ZNF775: variants seen among roughly 807,000 people sequenced by gnomAD.
The protein encoded by ZNF775 is zinc finger protein 775.
ZNF775 carries 1 observed loss-of-function variant against 2.4 expected under a neutral mutation model. The ratio of observed to expected loss-of-function variants is 0.41; its 90% CI spans 0.15 to 1.94. The LOEUF (loss-of-function observed/expected upper bound fraction) is 1.94. Ranked by LOEUF, ZNF775 falls within the 30% of genes most tolerant of loss-of-function variation. The pLI, the probability that ZNF775 is intolerant of heterozygous loss-of-function variation, is 0.30. For synonymous variants in ZNF775, 381 were observed against 373.3 expected (o/e 1.02, Z -0.24); for missense variants, 823 against 826.6 (o/e 1.00, Z 0.05).
rs1384677128 is a variant in ZNF775, at chr7:150,379,351, T to A, written c.-91T>A. 6.6e-6 allele frequency: 1 copy of A among 152,126 alleles called. No homozygotes were observed. The highest frequency in any genetic ancestry group is 1.5e-5 in the Non-Finnish European group (1 of 68,016). The allele number at this position is 152,126 out of a possible 1,614,324, so 9.4% of individuals were successfully genotyped here. A position where few individuals can be genotyped will look rare whatever the true frequency, so the allele number is the denominator to read the frequency against. On this transcript the variant is annotated 5_prime_UTR_variant, in exon 1 of 3. Coordinates refer to ENST00000329630, the MANE Select transcript of ZNF775 (RefSeq NM_173680.4). ...CGGGAGCCCGGTGCCCAAGTCGCCC[T>A]CGGGGTGGCAGTTCCCGTTAACCTT...
chr7:150,384,056 G>A lies in ZNF775; in HGVS notation c.-49-4366G>A, dbSNP rs1800409930. ...GCTCAATCCCCTCTTTGTGTGGTTG[G>A]TCTTCAGTTGTCATGGCAGCTGGGC... On this transcript the variant is annotated intron_variant, in intron 1 of 2. Coordinates refer to ENST00000329630, the MANE Select transcript of ZNF775 (RefSeq NM_173680.4). The surrounding 1 kb of genome is among the most constrained non-coding windows in gnomAD (Gnocchi z 4.1). Among the ~76,000 whole-genome samples, 1 of 152,230 alleles carries A rather than the reference G, an allele frequency of 6.6e-6. No homozygotes were observed. The highest frequency in any genetic ancestry group is 6.5e-5 in the Admixed American group (1 of 15,294).
intron 2 of ZNF775, among the ~76,000 whole-genome samples, chr7:150,390,821 C>A (rs1283484312): frequency 6.6e-6 from 1 of 152,184 alleles, no homozygotes; most frequent in Non-Finnish European, 1.5e-5. Context: ...GAATTGCTGG[C>A]TGGAAAGGGC....
Position 150,396,670 on chromosome 7 carries a change from G to T in ZNF775, c.189G>T (p.Leu63=), listed in dbSNP as rs373462254. The T allele has an allele frequency of 1.1e-5, 17 of 1,609,514 alleles. No homozygotes were observed. In the Admixed American group the frequency reaches 2.0e-4, roughly 19 times the overall value. ...AGACCATGGGGCGGCCTCGAGCCCTGGGGGGACAGGAGGAGTCTGGGAGTC... is the reference window on the plus strand; with the variant it reads ...AGACCATGGGGCGGCCTCGAGCCCTTGGGGGACAGGAGGAGTCTGGGAGTC... ...PRQTMGRPRA[L]GGQEESGSPR... The change falls in exon 3 of 3, where the codon CTG becomes CTT. Residue 63 remains leucine (L), a synonymous_variant. Coordinates refer to ENST00000329630, the MANE Select transcript of ZNF775 (RefSeq NM_173680.4).
Position 150,391,463 on chromosome 7 carries a change from G to A in ZNF775, c.31+2962G>A, listed in dbSNP as rs372577489. Among the ~76,000 whole-genome samples the A allele has an allele frequency of 6.6e-4, 100 of 152,242 alleles. 3 individuals are homozygous for A. The highest frequency in any genetic ancestry group is 5.8e-3 in the East Asian group (30 of 5,184). On this transcript the variant is annotated intron_variant, in intron 2 of 2. Transcript: ENST00000329630. ...GTAGAGGCTGCAGTAAGCCAAGATC[G>A]CGCCATTGCATTCCAGCCTGGGTGA...
chr7:150,398,235 A>G lies in ZNF775; in HGVS notation c.*140A>G. On this transcript the variant is annotated 3_prime_UTR_variant, in exon 3 of 3. Coordinates refer to ENST00000329630, the MANE Select transcript of ZNF775 (RefSeq NM_173680.4). ...GATTCCTTAAGGCTCTGAAGGGCTGAGAACAGTTCTAGAAGCGTCCCAAAG... is the reference window on the plus strand; with the variant it reads ...GATTCCTTAAGGCTCTGAAGGGCTGGGAACAGTTCTAGAAGCGTCCCAAAG... 7.4e-7 allele frequency: 1 copy of G among 1,348,638 alleles called. No homozygotes were observed. Among genetic ancestry groups the G allele is most frequent in the Non-Finnish European group, 9.8e-7 (1 of 1,015,292 alleles). The allele number at this position is 1,348,638 out of a possible 1,614,324, so 83.5% of individuals were successfully genotyped here. A position where few individuals can be genotyped will look rare whatever the true frequency, so the allele number is the denominator to read the frequency against.
rs10267780 is a variant in ZNF775 at position 150,394,106 on chromosome 7, G to A, written c.32-2407G>A. ...TAAATTTTACAGTTCACTTAAATAG[G>A]ATTACACTGAATTTAAACATTATTT... On this transcript the variant is annotated intron_variant, in intron 2 of 2. Transcript: ENST00000329630. Among the ~76,000 whole-genome samples, 1,441 of 152,280 alleles carry A rather than the reference G, an allele frequency of 9.5e-3. 11 individuals are homozygous for A. Among genetic ancestry groups the A allele is most frequent in the Middle Eastern group, 0.024 (7 of 294 alleles).
chr7:150,391,339 C>T (rs1800555138), intron 2 of ZNF775, among the ~76,000 whole-genome samples: 2 of 152,168 alleles, frequency 1.3e-5, no homozygotes, highest in African/African-American at 2.4e-5. Flanking sequence ...GAAACCCCAT[C>T]TCTACTAAAA....
Position 150,382,347 on chromosome 7 carries a change from T to A in ZNF775, c.-50+2955T>A, listed in dbSNP as rs1055143350. On this transcript the variant is annotated intron_variant, in intron 1 of 2. Coordinates refer to ENST00000329630, the MANE Select transcript of ZNF775 (RefSeq NM_173680.4). This position sits in a 1 kb window ranked among gnomAD's most constrained non-coding sequence, Gnocchi z 4.6. ...GCTCCTCCCAAACTCAGGGAGCAGG[T>A]ATTTCCGTTCACCTGCGCCTTCAAG... 9.2e-5 allele frequency among the ~76,000 whole-genome samples: 14 copies of A among 152,056 alleles called. No homozygotes were observed.
intron 1 of ZNF775, among the ~76,000 whole-genome samples, chr7:150,381,482 TA>T (rs1333424554): frequency 6.6e-6 from 1 of 152,166 alleles, no homozygotes; most frequent in Non-Finnish European, 1.5e-5. Context: ...AGCAACGACC[TA>T]AATCGAATTT....
intron 2 of ZNF775, among the ~76,000 whole-genome samples, chr7:150,395,995 G>T (rs1800641448): frequency 6.6e-6 from 1 of 152,030 alleles, no homozygotes; most frequent in African/African-American, 2.4e-5. Flanking sequence ...CCCAGGGGTT[G>T]GTCTCCCTGA....
At chr7:150,393,161 T>C (rs1318318425) in intron 2 of ZNF775, among the ~76,000 whole-genome samples, 1 of 152,008 alleles carries the variant, frequency 6.6e-6, no homozygotes, top group Non-Finnish European at 1.5e-5. Flanking sequence ...CCCCAACCCC[T>C]GGCTACCACT....
chr7:150,397,480 C>G lies in ZNF775; in HGVS notation c.999C>G (p.Gly333=). Residue 333 remains glycine, a synonymous_variant, in exon 3 of 3, where the codon GGC becomes GGG. Transcript: ENST00000329630. ...NLTRHLRNHT[G]ERPHPCPHCG... ...CGCGGCACCTGCGCAACCACACAGG[C>G]GAGCGCCCGCACCCCTGCCCGCACT... 6 of 1,589,002 alleles carry G rather than the reference C, an allele frequency of 3.8e-6. No individual in the cohort carries two copies. Among genetic ancestry groups the G allele is most frequent in the Non-Finnish European group, 5.1e-6 (6 of 1,173,756 alleles).
Position 150,397,613 on chromosome 7 carries a change from C to T in ZNF775, c.1132C>T (p.Arg378Cys). 7.2e-7 allele frequency: 1 copy of T among 1,396,592 alleles called. No individual in the cohort carries two copies. Among genetic ancestry groups the T allele is most frequent in the South Asian group, 1.4e-5 (1 of 69,488 alleles). The allele number at this position is 1,396,592 out of a possible 1,614,324, so 86.5% of individuals were successfully genotyped here. Residue 378 changes from arginine (R) to cysteine (C), a missense_variant, in exon 3 of 3, where the codon CGC becomes TGC. Arg to Cys is a radical substitution (Grantham distance 180). Coordinates refer to ENST00000329630, the MANE Select transcript of ZNF775 (RefSeq NM_173680.4). Reference protein sequence around the residue: ...CPSCGKSCRSRAALRAHQRAH... With the variant: ...CPSCGKSCRSCAALRAHQRAH... ...CAGCTGCGGTAAGAGCTGCCGCAGC[C>T]GCGCCGCGCTGCGCGCCCACCAGCG...
At position 150,398,114 on chromosome 7, in the gene ZNF775, A is replaced by T. The variant is rs1281903235; in HGVS notation, c.*19A>T. 1 of 1,538,008 alleles carries T rather than the reference A, an allele frequency of 6.5e-7. No individual in the cohort carries two copies. Among genetic ancestry groups the T allele is most frequent in the Non-Finnish European group, 8.7e-7 (1 of 1,147,014 alleles). On this transcript the variant is annotated 3_prime_UTR_variant, in exon 3 of 3. Transcript: ENST00000329630. ...GCGCTAGTGGACTGGACCTCAGCGG[A>T]CCCGTGGTGGTGCGGGGGATGTTTG...
chr7:150,392,824 G>A (rs1800582503), intron 2 of ZNF775, among the ~76,000 whole-genome samples: 1 of 152,194 alleles, frequency 6.6e-6, no homozygotes, highest in Non-Finnish European at 1.5e-5. Context: ...AAGAGCCACT[G>A]TGCTTGACCT....
chr7:150,394,305 TG>T (rs1800610839), intron 2 of ZNF775, among the ~76,000 whole-genome samples: 1 of 152,364 alleles, frequency 6.6e-6, no homozygotes, highest in East Asian at 1.9e-4. Context: ...AAGTGATTTT[TG>T]TATGTTTTTG....
rs1444661139 is a variant in ZNF775, at chr7:150,398,201, G to A, written c.*106G>A. 9 of 1,461,284 alleles carry A rather than the reference G, an allele frequency of 6.2e-6. No homozygotes were observed. In the South Asian group the frequency reaches 1.0e-4, roughly 17 times the overall value. 90.5% of individuals were successfully genotyped at this position (1,461,284 alleles called of 1,614,324 possible). ...CTGGCTCTTAGAACCCCTTAGAGCG[G>A]GACCGGTGGATTCCTTAAGGCTCTG... On this transcript the variant is annotated 3_prime_UTR_variant, in exon 3 of 3. Transcript: ENST00000329630.
At chr7:150,390,231 T>C (rs1800539341) in intron 2 of ZNF775, among the ~76,000 whole-genome samples, 1 of 151,624 alleles carries the variant, frequency 6.6e-6, no homozygotes, top group South Asian at 2.1e-4. Flanking sequence ...GGAGTGTGCC[T>C]GGGGCTGCTG....
intron 1 of ZNF775, among the ~76,000 whole-genome samples, chr7:150,381,124 C>T (rs985770007): frequency 4.6e-5 from 7 of 151,470 alleles, no homozygotes; most frequent in Admixed American, 2.0e-4. Context: ...GAATTGGGGC[C>T]GAGGAATGTA....
Sources: allele counts gnomAD v4.1 joint callset (sites outside exome capture counted in the v4.1 genomes callset), GRCh38; gene constraint gnomAD v4.1.1; non-coding constraint Gnocchi (gnomAD v3.1); transcripts MANE v1.5; gene names NCBI Gene and HGNC (gene_info 2026-07-23, HGNC 2026-07-21).